Variants in HAS3 observed in about 807,000 individuals in gnomAD.
The protein encoded by HAS3 is hyaluronan synthase 3.
Under a neutral mutation model 50.3 loss-of-function variants are expected in HAS3, and 27 were observed. That is an observed-to-expected ratio of 0.54 (90% confidence interval 0.40 to 0.74). HAS3 has a LOEUF of 0.74. HAS3 is among the 30% of genes least tolerant of loss of function. The pLI is 0.00. For missense variants in HAS3, 517 were observed against 742.8 expected (o/e 0.70, Z 3.53); for synonymous variants, 339 against 310.9 (o/e 1.09, Z -0.95).
upstream of HAS3, among the ~76,000 whole-genome samples, chr16:69,103,031 GT>G (rs1960713300): frequency 6.7e-6 from 1 of 148,652 alleles, no homozygotes; most frequent in Non-Finnish European, 1.5e-5. Flanking sequence ...GTGTGTGTGT[GT>G]GTGTGTGTGT....
chr16:69,100,634 G>A, the HAS3 span, among the ~76,000 whole-genome samples: 106 of 152,314 alleles, frequency 7.0e-4, no homozygotes, highest in Middle Eastern at 0.01. Flanking sequence ...GGAGACAGCG[G>A]AGCAGAACCG....
upstream of HAS3, among the ~76,000 whole-genome samples, chr16:69,102,808 A>T (rs1238729990): frequency 6.6e-6 from 1 of 152,208 alleles, no homozygotes; most frequent in Non-Finnish European, 1.5e-5. Flanking sequence ...GAAACTAACT[A>T]GGCATGAGAT....
intron 1 of HAS3, among the ~76,000 whole-genome samples, chr16:69,108,347 G>T (rs1960879068): frequency 6.6e-6 from 1 of 152,184 alleles, no homozygotes; most frequent in Non-Finnish European, 1.5e-5. Flanking sequence ...GTGCTATGGG[G>T]AGACCAAGTC....
upstream of HAS3, among the ~76,000 whole-genome samples, chr16:69,102,213 G>C (rs1960704210): frequency 6.6e-6 from 1 of 152,226 alleles, no homozygotes; most frequent in Non-Finnish European, 1.5e-5. Flanking sequence ...TTTGTTAAAT[G>C]AGTGTTGTAA....
Position 69,116,041 on chromosome 16 carries a change from C to T in HAS3, c.*775C>T. The T allele has an allele frequency of 2.0e-6, 2 of 985,678 alleles. No homozygotes were observed. Among genetic ancestry groups the T allele is most frequent in the Non-Finnish European group, 2.4e-6 (2 of 829,832 alleles). 61.1% of individuals were successfully genotyped at this position (985,678 alleles called of 1,614,324 possible). ...AACTGCTCAGACGTCTAGATGGGTT[C>T]TTAGCTTGTCTGTGATCTCTGCTGG... is the stretch of plus-strand genomic sequence containing the variant. On this transcript the variant is annotated 3_prime_UTR_variant, in exon 4 of 4. Transcript: ENST00000569188.
the HAS3 span, among the ~76,000 whole-genome samples, chr16:69,091,508 A>G: frequency 1.3e-5 from 2 of 152,066 alleles, no homozygotes; most frequent in Admixed American, 6.6e-5. Context: ...GTTTGTACCA[A>G]TCTACATTCC....
intron 1 of HAS3, among the ~76,000 whole-genome samples, chr16:69,108,033 C>T (rs1273122103): frequency 1.3e-5 from 2 of 152,206 alleles, no homozygotes; most frequent in Admixed American, 6.5e-5. Flanking sequence ...GCTCCGTTTC[C>T]TGAGACCTAA....
At chr16:69,112,778 T>C (rs558370927) in intron 2 of HAS3, among the ~76,000 whole-genome samples, 1 of 152,332 alleles carries the variant, frequency 6.6e-6, no homozygotes, top group African/African-American at 2.4e-5. Context: ...TCCCAAGAGC[T>C]GGGCAGAGTT....
chr16:69,110,936 C>G (rs1011472791), intron 2 of HAS3, among the ~76,000 whole-genome samples: 2 of 152,114 alleles, frequency 1.3e-5, no homozygotes, highest in African/African-American at 2.4e-5. Flanking sequence ...GACACAGGTG[C>G]GAATGACTAG....
chr16:69,099,980 A>T, the HAS3 span, among the ~76,000 whole-genome samples: 1 of 152,188 alleles, frequency 6.6e-6, no homozygotes, highest in African/African-American at 2.4e-5. Context: ...TCAAGCCAGC[A>T]TAAAAGAACC....
In HAS3 at chr16:69,114,032, C is replaced by T. The variant is rs1021263942; in HGVS notation, c.739-311C>T. Among the ~76,000 whole-genome samples the T allele has an allele frequency of 3.9e-5, 6 of 152,282 alleles. No individual in the cohort carries two copies. The South Asian group carries it at 8.3e-4, about 21-fold the overall frequency. The stretch of plus-strand genomic sequence containing the variant: ...GTTGTGGTGGTGTTTTGCATTCTTC[C>T]CAAGCCCCCTTCTCTGCCACCACCA... On this transcript the variant is annotated intron_variant, in intron 3 of 3. Coordinates refer to ENST00000569188, the MANE Select transcript of HAS3 (RefSeq NM_001199280.2). The surrounding 1 kb of genome is among the most constrained non-coding windows in gnomAD (Gnocchi z 6.4).
chr16:69,094,635 A>G, the HAS3 span, among the ~76,000 whole-genome samples: 4 of 152,160 alleles, frequency 2.6e-5, no homozygotes, highest in African/African-American at 4.8e-5. Flanking sequence ...TCTAGAGACT[A>G]TCCTTCCCCA....
the HAS3 span, chr16:69,083,815 G>T: frequency 7.9e-6 from 6 of 763,626 alleles, no homozygotes; most frequent in Non-Finnish European, 1.2e-5. Context: ...GGTCTTCAGG[G>T]TCCCTTCCGA....
intron 2 of HAS3, among the ~76,000 whole-genome samples, chr16:69,111,485 C>T (rs1961000394): frequency 6.6e-6 from 1 of 152,228 alleles, no homozygotes; most frequent in South Asian, 2.1e-4. Flanking sequence ...CTTGAAGGTG[C>T]AGTGGCTGTC....
Position 69,117,276 on chromosome 16 carries a change from G to A in HAS3, c.*2010G>A. Reference sequence around the variant, plus strand: ...ACTTGAAGATTAATGTAGGATGACAGGCTCTCCTGGCTGTCCTACCATCAG... The same window carrying A: ...ACTTGAAGATTAATGTAGGATGACAAGCTCTCCTGGCTGTCCTACCATCAG... On this transcript the variant is annotated 3_prime_UTR_variant, in exon 4 of 4. Transcript: ENST00000569188. 1 of 985,862 alleles carries A rather than the reference G, an allele frequency of 1.0e-6. No homozygotes were observed. Among genetic ancestry groups the A allele is most frequent in the Non-Finnish European group, 1.2e-6 (1 of 829,908 alleles). The allele number at this position is 985,862 out of a possible 1,614,324, so 61.1% of individuals were successfully genotyped here.
chr16:69,089,765 C>A, the HAS3 span, among the ~76,000 whole-genome samples: 1 of 152,200 alleles, frequency 6.6e-6, no homozygotes. Flanking sequence ...GGAGGTCATC[C>A]CCTGTTGTCC....
the HAS3 span, among the ~76,000 whole-genome samples, chr16:69,099,421 G>A: frequency 1.3e-5 from 2 of 152,004 alleles, no homozygotes; most frequent in East Asian, 1.9e-4. Flanking sequence ...TCTGCCTCCC[G>A]GGTTCAAGCG....
chr16:69,104,992 GTTTTTTTTTT>G (rs565397720), upstream of HAS3, among the ~76,000 whole-genome samples: 80 of 81,978 alleles, frequency 9.8e-4, no homozygotes, highest in African/African-American at 2.8e-3. Flanking sequence ...CTGTTTTTTG[GTTTTTTTTTT>G]TTTTTTTTTT....
At chr16:69,118,649 T>C, downstream of HAS3, 1 of 695,820 alleles carries the variant, frequency 1.4e-6, no homozygotes, top group Non-Finnish European at 2.6e-6. Flanking sequence ...GGCAGGATTA[T>C]TCCCACCTGC....
Sources: gnomAD v4.1 joint callset for allele counts (sites outside exome capture counted in the v4.1 genomes callset) on GRCh38, gnomAD v4.1.1 for gene constraint, Gnocchi (gnomAD v3.1) non-coding constraint, MANE v1.5 for transcripts, NCBI Gene and HGNC (gene_info 2026-07-23, HGNC 2026-07-21) for gene names.